The following OSBPL9 variants were observed in gnomAD, a reference collection of about 807,000 sequenced individuals.
OSBPL9 encodes oxysterol binding protein like 9, also known as oxysterol-binding protein-related protein 9.
Under a neutral mutation model 106.6 loss-of-function variants are expected in OSBPL9, and 40 were observed. That is an observed-to-expected ratio of 0.38 (90% CI 0.29 to 0.49). The LOEUF (loss-of-function observed/expected upper bound fraction) is 0.49. OSBPL9 is among the 20% of genes least tolerant of loss of function. OSBPL9 has a pLI of 0.97. For missense variants in OSBPL9, 609 were observed against 887.2 expected, an observed-to-expected ratio of 0.69 and a Z score of 3.98; for synonymous variants, 269 against 295.4, an observed-to-expected ratio of 0.91 and a Z score of 0.92.
chr1:51,632,362 G>C (rs1359761142), intron 1 of OSBPL9, among the ~76,000 whole-genome samples: 2 of 152,060 alleles, frequency 1.3e-5, no homozygotes, highest in East Asian at 3.8e-4. Context: ...GAAGTAATTG[G>C]TATTATTTCC....
intron 2 of OSBPL9, among the ~76,000 whole-genome samples, chr1:51,664,856 A>G (rs903458208): frequency 1.3e-5 from 2 of 152,152 alleles, no homozygotes; most frequent in African/African-American, 2.4e-5. Context: ...TGATTTGTAT[A>G]TATGTTACAT....
chr1:51,557,782 G>A, the OSBPL9 span, among the ~76,000 whole-genome samples: 3 of 152,168 alleles, frequency 2.0e-5, no homozygotes, highest in Non-Finnish European at 4.4e-5. Context: ...ACAGGGATAT[G>A]GCACAGACCA....
intron 3 of OSBPL9, chr1:51,707,030 T>G: frequency 5.8e-6 from 1 of 173,010 alleles, no homozygotes. Context: ...TTTTTGCATG[T>G]CTGTTTATTC....
intron 4 of OSBPL9, among the ~76,000 whole-genome samples, chr1:51,724,537 G>A (rs562456713): frequency 1.3e-3 from 203 of 152,122 alleles, no homozygotes; most frequent in Non-Finnish European, 2.2e-3. Flanking sequence ...GCACATCTCG[G>A]CCTCCCAAAT....
intron 4 of OSBPL9, among the ~76,000 whole-genome samples, chr1:51,739,528 T>A (rs1014307723): frequency 2.0e-5 from 3 of 151,948 alleles, no homozygotes; most frequent in African/African-American, 7.2e-5. Context: ...AGAACCTAAT[T>A]TGAAGCCTTA....
intron 11 of OSBPL9, 94 bp from the exon 12 acceptor site, chr1:51,765,724 AACTC>A: frequency 8.5e-7 from 1 of 1,178,260 alleles, no homozygotes; most frequent in South Asian, 1.8e-5. Context: ...AACTTAACCA[AACTC>A]TTTTTTGATT....
the OSBPL9 span, among the ~76,000 whole-genome samples, chr1:51,571,904 G>T: frequency 6.6e-6 from 1 of 152,068 alleles, no homozygotes; most frequent in Non-Finnish European, 1.5e-5. Flanking sequence ...TAAAGAACTA[G>T]GAGGAATCCA....
chr1:51,773,740 A>G (rs1251232665), intron 14 of OSBPL9, among the ~76,000 whole-genome samples: 1 of 152,230 alleles, frequency 6.6e-6, no homozygotes, highest in East Asian at 1.9e-4. Context: ...GGCCATTAAG[A>G]AAAAGACTAA....
rs948131674 is a variant in OSBPL9, at chr1:51,750,368, C to G, written c.543+173C>G. Among the ~76,000 whole-genome samples, 18 of 152,274 alleles carry G rather than the reference C, an allele frequency of 1.2e-4. 1 individual carries two copies. The highest frequency in any genetic ancestry group is 4.1e-4 in the South Asian group (2 of 4,832). ...TTGTGTTTGGCTATTATCTTAGCTA[C>G]TGTTTCTGGTAATGTCATTTCTGGT... On this transcript the variant is annotated intron_variant, in intron 8 of 23. Coordinates refer to ENST00000428468, the MANE Select transcript of OSBPL9 (RefSeq NM_024586.6).
chr1:51,632,150 CAAT>C (rs1645146699), intron 1 of OSBPL9, among the ~76,000 whole-genome samples: 1 of 151,908 alleles, frequency 6.6e-6, no homozygotes, highest in African/African-American at 2.4e-5. Context: ...TCTAAAATAA[CAAT>C]AAAATACAGT....
chr1:51,631,214 T>G (rs1229518375), intron 1 of OSBPL9, among the ~76,000 whole-genome samples: 1 of 152,130 alleles, frequency 6.6e-6, no homozygotes, highest in Admixed American at 6.6e-5. Context: ...CCATCAGTTG[T>G]CAGACATGCA....
intron 8 of OSBPL9, among the ~76,000 whole-genome samples, chr1:51,755,130 G>A (rs1670051939): frequency 6.6e-6 from 1 of 152,108 alleles, no homozygotes; most frequent in Non-Finnish European, 1.5e-5. Context: ...AGTCATGGAT[G>A]TTCTTTAAGC....
chr1:51,681,476 T>A (rs1393090592), intron 3 of OSBPL9, among the ~76,000 whole-genome samples: 9 of 152,194 alleles, frequency 5.9e-5, no homozygotes, highest in Admixed American at 5.9e-4. Flanking sequence ...ATTTACTGTT[T>A]TCAGCATTCT....
At chr1:51,786,136 T>G (rs1311413638) in intron 21 of OSBPL9, 1 of 507,620 alleles carries the variant, frequency 2.0e-6, no homozygotes, top group Non-Finnish European at 3.5e-6. Context: ...TCAAAACACT[T>G]GAGAATAATA....
chr1:51,608,174 G>A (rs988385095), intron 2 of OSBPL9, among the ~76,000 whole-genome samples: 1 of 152,188 alleles, frequency 6.6e-6, no homozygotes, highest in African/African-American at 2.4e-5. Context: ...GCATGCTTGA[G>A]CCCACTCATC....
intron 8 of OSBPL9, among the ~76,000 whole-genome samples, chr1:51,750,588 C>T (rs1363709956): frequency 2.0e-5 from 3 of 152,170 alleles, no homozygotes; most frequent in East Asian, 3.9e-4. Context: ...TAAATTTTTA[C>T]GGATTTTTTT....
intron 3 of OSBPL9, among the ~76,000 whole-genome samples, chr1:51,710,319 G>A (rs1659539165): frequency 6.6e-6 from 1 of 152,156 alleles, no homozygotes; most frequent in Non-Finnish European, 1.5e-5. Flanking sequence ...TGCACAGTGA[G>A]TATTTGTAAT....
chr1:51,551,072 A>T, the OSBPL9 span, among the ~76,000 whole-genome samples: 20 of 152,220 alleles, frequency 1.3e-4, no homozygotes, highest in Admixed American at 1.2e-3. Context: ...CCCAAGAGGC[A>T]GTGTGACTTT....
the OSBPL9 span, among the ~76,000 whole-genome samples, chr1:51,522,765 A>G: frequency 6.6e-6 from 1 of 152,316 alleles, no homozygotes; most frequent in South Asian, 2.1e-4. Flanking sequence ...TACATTGAAG[A>G]TAATAATATC....
Sources: allele counts gnomAD v4.1 joint callset (sites outside exome capture counted in the v4.1 genomes callset), GRCh38; gene constraint gnomAD v4.1.1; transcripts MANE v1.5; gene names NCBI Gene and HGNC (gene_info 2026-07-23, HGNC 2026-07-21).